LOC400499: variants seen among roughly 807,000 people sequenced by gnomAD.
At chr16:11,459,920 G>C in the LOC400499 span, 1 of 1,472,270 alleles carries the variant, frequency 6.8e-7, no homozygotes. Flanking sequence ...TGCTCAGGGC[G>C]GGCCCCGAGT....
At chr16:11,450,827 G>A in the LOC400499 span, 1 of 1,524,132 alleles carries the variant, frequency 6.6e-7, no homozygotes, top group Non-Finnish European at 8.8e-7. Context: ...GCTCCTGCAA[G>A]CAACAAAGAA....
the LOC400499 span, chr16:11,500,765 G>A: frequency 2.5e-6 from 1 of 399,036 alleles, no homozygotes; most frequent in Non-Finnish European, 4.4e-6. Context: ...AGCCACGGAG[G>A]GAGGACACCG....
At chr16:11,374,579 G>C in the LOC400499 span, among the ~76,000 whole-genome samples, 1 of 152,160 alleles carries the variant, frequency 6.6e-6, no homozygotes, top group East Asian at 1.9e-4. Context: ...GACTCATACA[G>C]TACTTGTGTT....
At chr16:11,385,294 TC>T in the LOC400499 span, 1 of 1,232,272 alleles carries the variant, frequency 8.1e-7, no homozygotes, top group East Asian at 3.2e-5. Flanking sequence ...CGACTCAGCG[TC>T]AGCGAGAATG....
At chr16:11,471,004 G>C in the LOC400499 span, among the ~76,000 whole-genome samples, 5 of 152,248 alleles carry the variant, frequency 3.3e-5, no homozygotes, top group African/African-American at 1.2e-4. Context: ...GAGAGTCAGG[G>C]AAGGAGGCCA....
the LOC400499 span, chr16:11,457,036 C>A: frequency 6.6e-7 from 1 of 1,521,590 alleles, no homozygotes; most frequent in Middle Eastern, 1.7e-4. Context: ...ACCTGCAGCA[C>A]AAACTGGAGA....
the LOC400499 span, among the ~76,000 whole-genome samples, chr16:11,426,308 T>C: frequency 4.6e-5 from 7 of 152,116 alleles, no homozygotes; most frequent in African/African-American, 4.8e-5. Flanking sequence ...TGGTGGCGCA[T>C]GCCTGTCATC....
the LOC400499 span, chr16:11,383,793 G>A: frequency 4.1e-6 from 5 of 1,232,212 alleles, no homozygotes; most frequent in Middle Eastern, 3.1e-4. Flanking sequence ...CCTGAAATCA[G>A]GGACACCGAG....
chr16:11,405,200 C>A, the LOC400499 span, among the ~76,000 whole-genome samples: 9 of 152,206 alleles, frequency 5.9e-5, no homozygotes, highest in African/African-American at 2.2e-4. Flanking sequence ...AAAGTGTCAA[C>A]CTTTGCAAGA....
chr16:11,431,681 C>T, the LOC400499 span, among the ~76,000 whole-genome samples: 1 of 152,172 alleles, frequency 6.6e-6, no homozygotes, highest in South Asian at 2.1e-4. Flanking sequence ...GCTGGGATTA[C>T]AGGCATGAGC....
At chr16:11,492,090 C>A in the LOC400499 span, among the ~76,000 whole-genome samples, 6 of 152,194 alleles carry the variant, frequency 3.9e-5, no homozygotes, top group African/African-American at 9.7e-5. Context: ...AATTCCCCAA[C>A]AAATGGGCAT....
the LOC400499 span, chr16:11,501,000 G>A: frequency 5.0e-6 from 2 of 398,894 alleles, no homozygotes; most frequent in Non-Finnish European, 8.8e-6. Flanking sequence ...CACACGTGCT[G>A]AGCGCCTGCA....
the LOC400499 span, among the ~76,000 whole-genome samples, chr16:11,433,710 T>C: frequency 6.6e-6 from 1 of 151,818 alleles, no homozygotes; most frequent in Non-Finnish European, 1.5e-5. Flanking sequence ...GGGCTAGAGG[T>C]TGAGTTAATA....
chr16:11,429,134 C>G, the LOC400499 span, among the ~76,000 whole-genome samples: 2 of 152,128 alleles, frequency 1.3e-5, no homozygotes, highest in African/African-American at 4.8e-5. Flanking sequence ...ATTGTAATCC[C>G]CAGCGTCAGG....
chr16:11,510,537 C>T, the LOC400499 span, among the ~76,000 whole-genome samples: 1 of 151,726 alleles, frequency 6.6e-6, no homozygotes, highest in East Asian at 1.9e-4. Flanking sequence ...TGTTTAATTT[C>T]TTTCCTGACA....
At chr16:11,417,527 G>T in the LOC400499 span, 3 of 398,062 alleles carry the variant, frequency 7.5e-6, no homozygotes, top group Non-Finnish European at 1.3e-5. Flanking sequence ...AGCCACACTG[G>T]ACTTGACAGG....
the LOC400499 span, among the ~76,000 whole-genome samples, chr16:11,504,840 T>A: frequency 6.6e-6 from 1 of 152,074 alleles, no homozygotes; most frequent in Non-Finnish European, 1.5e-5. Context: ...GGAGAATCAC[T>A]TGAACTCGGG....
At chr16:11,477,175 G>A in the LOC400499 span, among the ~76,000 whole-genome samples, 2 of 152,220 alleles carry the variant, frequency 1.3e-5, no homozygotes, top group Non-Finnish European at 2.9e-5. Context: ...CACCTGCCTG[G>A]GTTCCATGAC....
the LOC400499 span, among the ~76,000 whole-genome samples, chr16:11,513,393 G>C: frequency 8.1e-6 from 1 of 123,820 alleles, no homozygotes; most frequent in Non-Finnish European, 1.7e-5. Flanking sequence ...GCAACAGAAC[G>C]AGACTGTGTC....
Sources: gnomAD v4.1 joint callset for allele counts (sites outside exome capture counted in the v4.1 genomes callset) on GRCh38, gnomAD v4.1.1 for gene constraint, MANE v1.5 for transcripts.